The following GALNTL6 variants were observed in gnomAD, a reference collection of about 807,000 sequenced individuals.
GALNTL6 encodes the protein polypeptide N-acetylgalactosaminyltransferase like 6, also known as polypeptide N-acetylgalactosaminyltransferase-like 6.
Under a neutral mutation model 73.7 loss-of-function variants are expected in GALNTL6, and 46 were observed. That is an observed-to-expected ratio of 0.62 (90% CI 0.49 to 0.80). The LOEUF is 0.80. Among genes scored for constraint, GALNTL6 ranks in the 30% least tolerant of loss-of-function variants. The pLI, the probability that GALNTL6 is intolerant of heterozygous loss-of-function variation, is 0.00. For synonymous variants in GALNTL6, 259 were observed against 263.7 expected (o/e 0.98, Z 0.17); for missense variants, 604 against 755.0 (o/e 0.80, Z 2.34).
chr4:172,168,960 A>G (rs895069077), intron 2 of GALNTL6, among the ~76,000 whole-genome samples: 36 of 152,332 alleles, frequency 2.4e-4, no homozygotes, highest in African/African-American at 8.4e-4. Context: ...ATATTCTTTG[A>G]GGATAACAAT....
At chr4:172,590,170 A>G (rs1053975974) in intron 5 of GALNTL6, among the ~76,000 whole-genome samples, 1 of 152,188 alleles carries the variant, frequency 6.6e-6, no homozygotes, top group Non-Finnish European at 1.5e-5. Flanking sequence ...TTATGGGGAA[A>G]ATATTATAAT....
chr4:172,670,522 T>C (rs541883970), intron 5 of GALNTL6, among the ~76,000 whole-genome samples: 1 of 152,336 alleles, frequency 6.6e-6, no homozygotes. Flanking sequence ...TAAATTTGTT[T>C]AAGTTCCTTA....
At chr4:172,313,188 T>G (rs1281676541) in intron 4 of GALNTL6, among the ~76,000 whole-genome samples, 2 of 147,978 alleles carry the variant, frequency 1.4e-5, no homozygotes, top group East Asian at 2.1e-4. Flanking sequence ...TGCAGTGGCT[T>G]GATCTCGGCT....
At chr4:172,167,533 G>T (rs925253592) in intron 2 of GALNTL6, among the ~76,000 whole-genome samples, 5 of 152,206 alleles carry the variant, frequency 3.3e-5, no homozygotes, top group Admixed American at 3.3e-4. Flanking sequence ...GAAGAATTCA[G>T]TTTGGTAATA....
chr4:172,036,172 T>C (rs1044383191), intron 2 of GALNTL6, among the ~76,000 whole-genome samples: 3 of 152,126 alleles, frequency 2.0e-5, no homozygotes, highest in African/African-American at 7.2e-5. Flanking sequence ...TTCATATTTA[T>C]TTCCCTTTCA....
intron 2 of GALNTL6, among the ~76,000 whole-genome samples, chr4:171,954,420 T>C (rs753718273): frequency 9.6e-4 from 146 of 152,322 alleles, no homozygotes; most frequent in Admixed American, 1.6e-3. Flanking sequence ...AACAATTATG[T>C]AGCAATAAAA....
At chr4:172,364,898 T>C (rs1742500371) in intron 5 of GALNTL6, among the ~76,000 whole-genome samples, 1 of 152,224 alleles carries the variant, frequency 6.6e-6, no homozygotes, top group Admixed American at 6.5e-5. Context: ...GCAATTTTTA[T>C]TCAAGTTAAA....
intron 2 of GALNTL6, among the ~76,000 whole-genome samples, chr4:171,989,955 C>G (rs1362597618): frequency 1.3e-5 from 2 of 152,068 alleles, no homozygotes; most frequent in Non-Finnish European, 2.9e-5. Flanking sequence ...CTCCAGCCAC[C>G]TTTTTAAGAG....
chr4:172,130,880 T>C (rs557642989), intron 2 of GALNTL6, among the ~76,000 whole-genome samples: 10 of 152,198 alleles, frequency 6.6e-5, no homozygotes, highest in African/African-American at 2.2e-4. Flanking sequence ...TCATTACACA[T>C]TGGGCATCCT....
intron 2 of GALNTL6, among the ~76,000 whole-genome samples, chr4:171,966,663 C>A (rs1165310826): frequency 6.6e-6 from 1 of 152,134 alleles, no homozygotes; most frequent in Non-Finnish European, 1.5e-5. Context: ...CTGCATTGGG[C>A]TTTACCTCCA....
At chr4:172,368,295 T>C (rs1320795781) in intron 5 of GALNTL6, among the ~76,000 whole-genome samples, 1 of 151,996 alleles carries the variant, frequency 6.6e-6, no homozygotes, top group African/African-American at 2.4e-5. Context: ...GCAAGAAAAT[T>C]GCATGAACTT....
chr4:173,023,226 C>A (rs1158816033), intron 12 of GALNTL6, among the ~76,000 whole-genome samples: 1 of 152,134 alleles, frequency 6.6e-6, no homozygotes, highest in Non-Finnish European at 1.5e-5. Context: ...ACTTAATAAG[C>A]ATTCTGGTTT....
At chr4:171,824,152 T>A (rs483219) in intron 2 of GALNTL6, among the ~76,000 whole-genome samples, 102,515 of 146,872 alleles carry the variant, frequency 0.7, 37,868 homozygotes, top group Admixed American at 0.84. Flanking sequence ...AAAGAGATTT[T>A]AAAAAGTTGT....
intron 5 of GALNTL6, among the ~76,000 whole-genome samples, chr4:172,746,441 T>G (rs1737112841): frequency 6.6e-6 from 1 of 152,084 alleles, no homozygotes; most frequent in African/African-American, 2.4e-5. Flanking sequence ...TTCACTGAAT[T>G]TTTTATATTT....
chr4:172,494,868 T>A (rs1203761186), intron 5 of GALNTL6, among the ~76,000 whole-genome samples: 1 of 152,194 alleles, frequency 6.6e-6, no homozygotes, highest in Non-Finnish European at 1.5e-5. Flanking sequence ...TGAGGGTGGG[T>A]CTGCCTTTCC....
chr4:172,383,080 ATT>A (rs1743343200), intron 5 of GALNTL6, among the ~76,000 whole-genome samples: 1 of 152,208 alleles, frequency 6.6e-6, no homozygotes, highest in East Asian at 1.9e-4. Context: ...CAACTTTGAT[ATT>A]CTTTTTAAGT....
At chr4:172,826,031 T>G (rs1338065500) in intron 7 of GALNTL6, among the ~76,000 whole-genome samples, 3 of 152,154 alleles carry the variant, frequency 2.0e-5, no homozygotes, top group Admixed American at 6.5e-5. Flanking sequence ...ACAACTCAAG[T>G]GGGCATGAAT....
chr4:172,761,159 T>C (rs1738061108), intron 5 of GALNTL6, among the ~76,000 whole-genome samples: 1 of 152,076 alleles, frequency 6.6e-6, no homozygotes, highest in Non-Finnish European at 1.5e-5. Context: ...AATACTTGCC[T>C]TTCAGGAAAA....
chr4:172,652,917 C>T (rs751146399), intron 5 of GALNTL6, among the ~76,000 whole-genome samples: 7 of 151,994 alleles, frequency 4.6e-5, no homozygotes, highest in Non-Finnish European at 1.0e-4. Context: ...CCCATAAATT[C>T]TTTCTGTTTT....
Sources: gnomAD v4.1 joint callset for allele counts (sites outside exome capture counted in the v4.1 genomes callset) on GRCh38, gnomAD v4.1.1 for gene constraint, MANE v1.5 for transcripts, NCBI Gene and HGNC (gene_info 2026-07-23, HGNC 2026-07-21) for gene names.